FOXN1: variants seen among roughly 807,000 people sequenced by gnomAD.
FOXN1 encodes forkhead box N1.
Under a neutral mutation model 49.0 loss-of-function variants are expected in FOXN1, and 15 were observed. The ratio of observed to expected loss-of-function variants is 0.31; its 90% CI spans 0.20 to 0.47. FOXN1 has a LOEUF of 0.47. FOXN1 is among the 20% of genes least tolerant of loss of function. The probability of loss-of-function intolerance (pLI) is 1.00; values close to 1 mark genes in which losing one functional copy is unlikely to be tolerated. For synonymous variants in FOXN1, 356 were observed against 369.0 expected (o/e 0.96, Z 0.40); for missense variants, 800 against 842.8 (o/e 0.95, Z 0.63).
chr17:28,522,859 A>C (rs1047342407), intron 1 of FOXN1, among the ~76,000 whole-genome samples: 2 of 151,738 alleles, frequency 1.3e-5, no homozygotes, highest in South Asian at 2.1e-4. Context: ...AAAAGTGAGA[A>C]CCACACTCAC....
At chr17:28,522,609 C>T (rs553035648) in intron 1 of FOXN1, among the ~76,000 whole-genome samples, 5 of 150,782 alleles carry the variant, frequency 3.3e-5, no homozygotes, top group Admixed American at 2.0e-4. Flanking sequence ...AGCATGCCAC[C>T]GCACTCCAGC....
intron 1 of FOXN1, among the ~76,000 whole-genome samples, chr17:28,519,767 G>A (rs1242110827): frequency 2.6e-5 from 4 of 152,096 alleles, no homozygotes; most frequent in Admixed American, 2.0e-4. Context: ...AGTTTCTACA[G>A]ACACTAGCTC....
chr17:28,512,401 C>T (rs936388090), intron 1 of FOXN1, among the ~76,000 whole-genome samples: 1 of 152,244 alleles, frequency 6.6e-6, no homozygotes, highest in African/African-American at 2.4e-5. Context: ...CAGTCAAGCC[C>T]TGAGTGGTTC....
chr17:28,526,332 GCA>G (rs905516037), intron 3 of FOXN1, among the ~76,000 whole-genome samples: 2 of 152,232 alleles, frequency 1.3e-5, no homozygotes, highest in Admixed American at 6.5e-5. Context: ...CAACCCCAGG[GCA>G]CACCCAGAGA....
Position 28,538,019 on chromosome 17 carries a change from G to A in FOXN1, c.*583G>A, listed in dbSNP as rs945886224. On this transcript the variant is annotated 3_prime_UTR_variant, in exon 9 of 9. Transcript: ENST00000579795. Reference sequence around the variant, plus strand: ...ATCCCAACAGCCCAGCAAGAAGGAGGAGACAGAGAGCTCCTCCCTGGGTTG... The same window carrying A: ...ATCCCAACAGCCCAGCAAGAAGGAGAAGACAGAGAGCTCCTCCCTGGGTTG... 3 of 163,338 alleles carry A rather than the reference G, an allele frequency of 1.8e-5. No individual in the cohort carries two copies. Among genetic ancestry groups the A allele is most frequent in the South Asian group, 1.6e-4 (1 of 6,084 alleles). The allele number at this position is 163,338 out of a possible 1,614,324, so 10.1% of individuals were successfully genotyped here. A position where few individuals can be genotyped will look rare whatever the true frequency, so the allele number is the denominator to read the frequency against.
intron 1 of FOXN1, among the ~76,000 whole-genome samples, chr17:28,522,327 G>A (rs146115874): frequency 6.6e-6 from 1 of 152,302 alleles, no homozygotes; most frequent in African/African-American, 2.4e-5. Flanking sequence ...TCTTGCAGGT[G>A]GTAAAGGAAG....
Position 28,530,848 on chromosome 17 carries a change from G to A in FOXN1, c.927+3G>A, listed in dbSNP as rs752258395. 3 of 1,551,694 alleles carry A rather than the reference G, an allele frequency of 1.9e-6. No individual in the cohort carries two copies. The highest frequency in any genetic ancestry group is 2.2e-5 in the South Asian group (2 of 89,832). The stretch of plus-strand genomic sequence containing the variant: ...CGGAGCACTTTCCTTACTTCAAGGT[G>A]AGCCCAAGATTCCTCCCCATCCCAT... On this transcript the variant is annotated splice_donor_region_variant and intron_variant, in intron 6 of 8. Transcript: ENST00000579795.
In FOXN1 at chr17:28,534,433, T is replaced by A; in HGVS notation, c.1030T>A (p.Cys344Ser). ...NKSGSSSRKG[C>S]LWALNPAKID... is the part of the protein sequence containing the mutation. The stretch of plus-strand genomic sequence containing the variant: ...ATCAGGAAGTTCCTCCCGCAAGGGC[T>A]GCCTGTGGGCCCTCAATCCGGCCAA... Residue 344 changes from cysteine to serine, a missense_variant, in exon 7 of 9, where the codon TGC (cysteine) becomes AGC (serine). Physicochemically the swap from Cys to Ser is moderately radical, Grantham distance 112 (BLOSUM62 -1). Coordinates refer to ENST00000579795, the MANE Select transcript of FOXN1 (RefSeq NM_001369369.1). The surrounding 1 kb of genome is among the most constrained non-coding windows in gnomAD (Gnocchi z 4.1). 1 of 1,614,190 alleles carries A rather than the reference T, an allele frequency of 6.2e-7. No individual in the cohort carries two copies.
At chr17:28,513,591 T>G (rs1409079106) in intron 1 of FOXN1, among the ~76,000 whole-genome samples, 1 of 152,248 alleles carries the variant, frequency 6.6e-6, no homozygotes, top group East Asian at 1.9e-4. Context: ...AGGAAGGGCC[T>G]GTGGTCCTGT....
chr17:28,530,030 TGTC>T (rs1567882888), intron 5 of FOXN1, among the ~76,000 whole-genome samples: 1 of 142,936 alleles, frequency 7.0e-6, no homozygotes, highest in East Asian at 2.0e-4. Flanking sequence ...AAAAAAAAAA[TGTC>T]AGGGGTTGGG....
chr17:28,506,814 A>C (rs558323145), intron 1 of FOXN1, among the ~76,000 whole-genome samples: 47 of 152,214 alleles, frequency 3.1e-4, no homozygotes, highest in Non-Finnish European at 6.6e-4. Context: ...GCTGAAAGGC[A>C]GGGGGCCAAG....
chr17:28,518,348 A>G (rs2069574046), intron 1 of FOXN1, among the ~76,000 whole-genome samples: 2 of 152,214 alleles, frequency 1.3e-5, no homozygotes, highest in Non-Finnish European at 2.9e-5. Context: ...GTTATCCAAC[A>G]TCACACAGCC....
intron 1 of FOXN1, among the ~76,000 whole-genome samples, chr17:28,512,188 G>T (rs1207348945): frequency 5.9e-5 from 9 of 152,206 alleles, no homozygotes; most frequent in African/African-American, 2.2e-4. Flanking sequence ...CACAATCTGT[G>T]CAAAAGCCTC....
In FOXN1 at chr17:28,534,279, G is replaced by A. The variant is rs546373567; in HGVS notation, c.928-52G>A. 469 of 1,613,360 alleles carry A rather than the reference G, an allele frequency of 2.9e-4. No homozygotes were observed. The highest frequency in any genetic ancestry group is 2.4e-4 in the Non-Finnish European group (281 of 1,179,934). ...GTTCTAGAACCCAGACCTGAAGCCC[G>A]CTCTGGCTTCCTGAGCCTGGCCTGA... On this transcript the variant is annotated intron_variant, in intron 6 of 8. Transcript: ENST00000579795. The surrounding 1 kb of genome is among the most constrained non-coding windows in gnomAD (Gnocchi z 4.1).
chr17:28,534,554 C>T lies in FOXN1; in HGVS notation c.1135+16C>T, dbSNP rs771369671. On this transcript the variant is annotated intron_variant, in intron 7 of 8. Transcript: ENST00000579795. This position sits in a 1 kb window ranked among gnomAD's most constrained non-coding sequence, Gnocchi z 4.1. ...GCCAAGCCAGGTGAGGCCGGCCGGG[C>T]CACGCAAGGAAGGGCCCAGGGTACT... The T allele has an allele frequency of 5.6e-6, 9 of 1,611,534 alleles. No individual in the cohort carries two copies. The highest frequency in any genetic ancestry group is 1.9e-4 in the Middle Eastern group (1 of 5,266).
intron 1 of FOXN1, among the ~76,000 whole-genome samples, chr17:28,511,707 G>A (rs551185613): frequency 1.3e-5 from 2 of 152,112 alleles, no homozygotes; most frequent in Non-Finnish European, 2.9e-5. Flanking sequence ...GAGGGAACAA[G>A]GTTTATTCTC....
chr17:28,525,466 A>T (rs1174260535), intron 3 of FOXN1, among the ~76,000 whole-genome samples: 1 of 152,158 alleles, frequency 6.6e-6, no homozygotes, highest in African/African-American at 2.4e-5. Flanking sequence ...TATTCCTGGA[A>T]ATACCTTGGA....
intron 1 of FOXN1, among the ~76,000 whole-genome samples, chr17:28,514,386 G>A (rs1046141855): frequency 3.9e-5 from 6 of 152,122 alleles, no homozygotes; most frequent in Admixed American, 2.0e-4. Context: ...CCCATTTTCC[G>A]AAACTGATGC....
intron 6 of FOXN1, among the ~76,000 whole-genome samples, chr17:28,531,759 T>A (rs1009576333): frequency 1.3e-5 from 2 of 152,118 alleles, no homozygotes; most frequent in African/African-American, 2.4e-5. Flanking sequence ...ACCCGGGTAA[T>A]CCAGAACTCA....
Sources: allele counts gnomAD v4.1 joint callset (sites outside exome capture counted in the v4.1 genomes callset), GRCh38; gene constraint gnomAD v4.1.1; non-coding constraint Gnocchi (gnomAD v3.1); transcripts MANE v1.5; gene names NCBI Gene and HGNC (gene_info 2026-07-23, HGNC 2026-07-21).